The following ATP9B variants were observed in gnomAD, a reference collection of about 807,000 sequenced individuals.
ATP9B encodes the protein ATPase phospholipid transporting 9B, also known as probable phospholipid-transporting ATPase IIB.
A neutral mutation model predicts 146.1 loss-of-function variants in ATP9B; 110 were observed. That is an observed-to-expected ratio of 0.75 (90% CI 0.65 to 0.88). ATP9B has a LOEUF of 0.88. Among genes scored for constraint, ATP9B ranks in the 40% least tolerant of loss-of-function variants. The pLI, the probability that ATP9B is intolerant of heterozygous loss-of-function variation, is 0.00. For synonymous variants in ATP9B, 604 were observed against 569.7 expected, an observed-to-expected ratio of 1.06 and a Z score of -0.86; for missense variants, 1,499 against 1,496.4, an observed-to-expected ratio of 1.00 and a Z score of -0.03.
intron 8 of ATP9B, among the ~76,000 whole-genome samples, chr18:79,179,540 A>T (rs564426807): frequency 1.3e-5 from 2 of 152,220 alleles, no homozygotes; most frequent in African/African-American, 4.8e-5. Flanking sequence ...TTCCTTCATG[A>T]TTCTTCTTTT....
chr18:79,118,941 C>T (rs536022596), intron 4 of ATP9B, among the ~76,000 whole-genome samples: 1 of 151,774 alleles, frequency 6.6e-6, no homozygotes, highest in African/African-American at 2.4e-5. Flanking sequence ...TGTGGTGGTA[C>T]ATATCTTTAG....
At chr18:79,179,401 A>G (rs1449156807) in intron 8 of ATP9B, among the ~76,000 whole-genome samples, 1 of 152,000 alleles carries the variant, frequency 6.6e-6, no homozygotes, top group African/African-American at 2.4e-5. Flanking sequence ...CTATTTATAA[A>G]CTTTCAGAGC....
intron 11 of ATP9B, among the ~76,000 whole-genome samples, chr18:79,217,244 G>A (rs940406681): frequency 5.3e-5 from 8 of 152,206 alleles, no homozygotes; most frequent in African/African-American, 1.9e-4. Context: ...GAGTGCGGTG[G>A]CGCAATCTCG....
intron 7 of ATP9B, among the ~76,000 whole-genome samples, chr18:79,162,209 C>A (rs1047396125): frequency 1.5e-4 from 23 of 152,184 alleles, no homozygotes; most frequent in Non-Finnish European, 2.5e-4. Flanking sequence ...CCAGCTTGAA[C>A]ACTGGCAGCT....
chr18:79,369,928 A>G (rs3927205), intron 26 of ATP9B, among the ~76,000 whole-genome samples: 142,508 of 152,240 alleles, frequency 0.94, 66,791 homozygotes, highest in East Asian at 1. Flanking sequence ...GCAAAAGCCC[A>G]TCTCTACTAA....
At chr18:79,070,506 T>C (rs1294282040) in intron 1 of ATP9B, among the ~76,000 whole-genome samples, 1 of 152,230 alleles carries the variant, frequency 6.6e-6, no homozygotes, top group Non-Finnish European at 1.5e-5. Flanking sequence ...CAGTAGAACA[T>C]GTGTAAGGTG....
At chr18:79,083,568 T>C (rs372086590) in intron 1 of ATP9B, among the ~76,000 whole-genome samples, 2 of 152,162 alleles carry the variant, frequency 1.3e-5, no homozygotes, top group African/African-American at 4.8e-5. Context: ...GGTCTGCGGA[T>C]TGCGAAGACC....
intron 1 of ATP9B, chr18:79,085,512 G>C (rs1216981520): frequency 6.6e-6 from 1 of 152,194 alleles, no homozygotes; most frequent in East Asian, 1.9e-4. Flanking sequence ...GCAGTTACTT[G>C]TTCAGTCTGT....
chr18:79,193,245 C>T lies in ATP9B; in HGVS notation c.936C>T (p.Phe312=), dbSNP rs752430927. 52 of 1,609,990 alleles carry T rather than the reference C, an allele frequency of 3.2e-5. No individual in the cohort carries two copies. The highest frequency in any genetic ancestry group is 2.3e-4 in the African/African-American group (17 of 74,846). The change falls in exon 9 of 30, where the codon TTC becomes TTT. Residue 312 remains phenylalanine (F), a synonymous_variant. Transcript: ENST00000426216. ...AQKPQMDIHS[F]EGTFTREDSD... ...AACCACAAATGGACATTCACAGTTTCGAAGGCACATTTACCAGGGTAAGTT... is the reference window on the plus strand; with the variant it reads ...AACCACAAATGGACATTCACAGTTTTGAAGGCACATTTACCAGGGTAAGTT...
At chr18:79,325,040 C>CG (rs902500291) in intron 15 of ATP9B, among the ~76,000 whole-genome samples, 1 of 152,192 alleles carries the variant, frequency 6.6e-6, no homozygotes, top group African/African-American at 2.4e-5. Context: ...AAGACAGACC[C>CG]GGTCCCTGCT....
At chr18:79,109,509 C>T (rs905989491) in intron 2 of ATP9B, among the ~76,000 whole-genome samples, 3 of 150,482 alleles carry the variant, frequency 2.0e-5, no homozygotes, top group Admixed American at 2.0e-4. Flanking sequence ...CTTTTATTAT[C>T]ATTAGAATAT....
chr18:79,358,900 AG>A, intron 25 of ATP9B, among the ~76,000 whole-genome samples: 1 of 136,512 alleles, frequency 7.3e-6, no homozygotes, highest in Non-Finnish European at 1.6e-5. Context: ...ACTCTGTGTG[AG>A]GGGTGCTGTG....
intron 11 of ATP9B, among the ~76,000 whole-genome samples, chr18:79,244,281 A>T (rs1328418972): frequency 6.6e-6 from 1 of 151,968 alleles, no homozygotes; most frequent in Non-Finnish European, 1.5e-5. Context: ...ATTTGCAAGG[A>T]CTCACTTTGC....
At chr18:79,324,405 C>G (rs551756470) in intron 15 of ATP9B, among the ~76,000 whole-genome samples, 1 of 152,178 alleles carries the variant, frequency 6.6e-6, no homozygotes, top group Admixed American at 6.5e-5. Context: ...TGGAGTGTGC[C>G]AGCCTATTAG....
At chr18:79,329,049 T>C (rs1481493748) in intron 15 of ATP9B, 92 bp from the exon 16 acceptor site, 2 of 1,327,728 alleles carry the variant, frequency 1.5e-6, no homozygotes, top group East Asian at 5.5e-5. Flanking sequence ...CTGTCTCATG[T>C]TGGCAAGCTT....
intron 11 of ATP9B, among the ~76,000 whole-genome samples, chr18:79,240,593 A>G (rs777046937): frequency 6.6e-6 from 1 of 152,186 alleles, no homozygotes; most frequent in African/African-American, 2.4e-5. Context: ...TAAAAATACA[A>G]AATTAGCTGG....
At chr18:79,289,796 G>A (rs569684079) in intron 13 of ATP9B, among the ~76,000 whole-genome samples, 2 of 152,262 alleles carry the variant, frequency 1.3e-5, no homozygotes, top group East Asian at 3.9e-4. Flanking sequence ...TTTTGGTGTG[G>A]ATGTCCTTTC....
intron 13 of ATP9B, among the ~76,000 whole-genome samples, chr18:79,280,185 T>G (rs1273925669): frequency 1.3e-5 from 2 of 152,122 alleles, no homozygotes; most frequent in Non-Finnish European, 2.9e-5. Context: ...GACAGAAACA[T>G]GGATGGATTT....
chr18:79,185,908 G>A (rs1290151204), intron 8 of ATP9B, among the ~76,000 whole-genome samples: 2 of 152,216 alleles, frequency 1.3e-5, no homozygotes, highest in East Asian at 3.8e-4. Flanking sequence ...TGAGGACACA[G>A]CCAAGAATAA....
Sources: allele counts gnomAD v4.1 joint callset (sites outside exome capture counted in the v4.1 genomes callset), GRCh38; gene constraint gnomAD v4.1.1; transcripts MANE v1.5; gene names NCBI Gene and HGNC (gene_info 2026-07-23, HGNC 2026-07-21).